The following GASK1B variants were observed in gnomAD, a reference collection of about 807,000 sequenced individuals.
The protein encoded by GASK1B is golgi associated kinase 1B, also known as Golgi-associated kinase 1B.
Under a neutral mutation model 42.8 loss-of-function variants are expected in GASK1B, and 34 were observed. The ratio of observed to expected loss-of-function variants is 0.79; its 90% CI spans 0.60 to 1.06. The LOEUF is 1.06. Ranked by LOEUF, GASK1B falls within the 50% of genes least tolerant of loss-of-function variation. The pLI is 0.00. For synonymous variants in GASK1B, 262 were observed against 259.1 expected (o/e 1.01, Z -0.11); for missense variants, 686 against 661.0 (o/e 1.04, Z -0.42).
At position 158,124,650 on chromosome 4, in the gene GASK1B, A is replaced by G. The variant is rs1730383380; in HGVS notation, c.*2757T>C. On this transcript the variant is annotated 3_prime_UTR_variant, in exon 5 of 5. Coordinates refer to ENST00000585682, the MANE Select transcript of GASK1B (RefSeq NM_001128424.2). ...TAAAGTATATTTAATGGCACAGTAGAATAAACAGGCTATGATTACAAGTCC... is the reference window on the plus strand; with the variant it reads ...TAAAGTATATTTAATGGCACAGTAGGATAAACAGGCTATGATTACAAGTCC... 6.6e-6 allele frequency: 1 copy of G among 152,156 alleles called. No individual in the cohort carries two copies. Among genetic ancestry groups the G allele is most frequent in the Non-Finnish European group, 1.5e-5 (1 of 68,024 alleles). 9.4% of individuals were successfully genotyped at this position (152,156 alleles called of 1,614,324 possible). A position where few individuals can be genotyped will look rare whatever the true frequency, so the allele number is the denominator to read the frequency against.
At chr4:158,159,527 T>C (rs1409450210) in intron 2 of GASK1B, 1 of 451,086 alleles carries the variant, frequency 2.2e-6, no homozygotes, top group Non-Finnish European at 4.4e-6. Context: ...CTGAAGTGTT[T>C]CAGAGATGAG....
chr4:158,157,503 G>C (rs1731800850), intron 2 of GASK1B, among the ~76,000 whole-genome samples: 1 of 151,900 alleles, frequency 6.6e-6, no homozygotes, highest in Non-Finnish European at 1.5e-5. Flanking sequence ...GACAGCACTG[G>C]GCCAGTATAA....
intron 1 of GASK1B, 139 bp downstream of exon 1, chr4:158,172,729 A>AGATC (rs1465688420): frequency 6.6e-6 from 1 of 152,170 alleles, no homozygotes; most frequent in Non-Finnish European, 1.5e-5. Context: ...GAAGTTCAAA[A>AGATC]GATCGAGAAT....
intron 3 of GASK1B, among the ~76,000 whole-genome samples, chr4:158,134,945 G>T (rs1331762184): frequency 6.6e-6 from 1 of 152,186 alleles, no homozygotes; most frequent in Non-Finnish European, 1.5e-5. Context: ...GGCCTATCAA[G>T]AAATTGTGTC....
rs2110914689 is a variant in GASK1B at position 158,126,155 on chromosome 4, T to C, written c.*1252A>G. On this transcript the variant is annotated 3_prime_UTR_variant, in exon 5 of 5. Coordinates refer to ENST00000585682, the MANE Select transcript of GASK1B (RefSeq NM_001128424.2). The stretch of plus-strand genomic sequence containing the variant: ...AGGGCAGGAAGGTAATGGTAATCTA[T>C]TCTGAATTTGAAACTCCATGTGAAT... The C allele has an allele frequency of 6.6e-6, 1 of 152,260 alleles. No individual in the cohort carries two copies. The highest frequency in any genetic ancestry group is 6.5e-5 in the Admixed American group (1 of 15,284). The allele number at this position is 152,260 out of a possible 1,614,324, so 9.4% of individuals were successfully genotyped here.
chr4:158,145,889 G>A (rs1189337931), intron 3 of GASK1B, among the ~76,000 whole-genome samples: 5 of 152,050 alleles, frequency 3.3e-5, no homozygotes. Flanking sequence ...ATCTTTGTTG[G>A]TCCTCCTCTA....
intron 2 of GASK1B, among the ~76,000 whole-genome samples, chr4:158,162,147 T>C (rs1002822401): frequency 6.6e-6 from 1 of 152,220 alleles, no homozygotes; most frequent in African/African-American, 2.4e-5. Context: ...GTTCTGGCAT[T>C]ACTTCTTCCA....
chr4:158,147,735 G>A (rs1008279163), intron 3 of GASK1B, among the ~76,000 whole-genome samples: 2 of 151,978 alleles, frequency 1.3e-5, no homozygotes, highest in Non-Finnish European at 2.9e-5. Flanking sequence ...AAGATCTACT[G>A]TAAGCCAAGT....
Position 158,130,950 on chromosome 4 carries a change from T to C in GASK1B, c.1188A>G (p.Val396=), listed in dbSNP as rs1730659040. 2.5e-6 allele frequency: 4 copies of C among 1,613,992 alleles called. No homozygotes were observed. The highest frequency in any genetic ancestry group is 1.7e-5 in the Admixed American group (1 of 59,988). ...CACATTTTGGCCTCAATCCATTCTG[T>C]ACACAGGCATCTTCCTTGCGAGGTC... ...GFRPRKEDAC[V]QNGLRPKCDD... The change falls in exon 4 of 5, where the codon GTA becomes GTG. Residue 396 remains valine, a synonymous_variant. Transcript: ENST00000585682.
intron 2 of GASK1B, among the ~76,000 whole-genome samples, chr4:158,165,490 T>C (rs1339244182): frequency 6.6e-6 from 1 of 152,190 alleles, no homozygotes; most frequent in African/African-American, 2.4e-5. Context: ...GAAAATCTGG[T>C]AAGCACTGGC....
intron 2 of GASK1B, among the ~76,000 whole-genome samples, chr4:158,157,868 C>A (rs1731817158): frequency 6.6e-6 from 1 of 151,954 alleles, no homozygotes; most frequent in African/African-American, 2.4e-5. Context: ...AAGGTAAATC[C>A]ACTCATTTCA....
At chr4:158,140,004 G>A (rs904098499) in intron 3 of GASK1B, among the ~76,000 whole-genome samples, 21 of 152,104 alleles carry the variant, frequency 1.4e-4, no homozygotes, top group Admixed American at 1.0e-3. Context: ...AAATTTTAAG[G>A]GAATCTGGCA....
intron 3 of GASK1B, among the ~76,000 whole-genome samples, chr4:158,147,895 C>A (rs1731392875): frequency 6.6e-6 from 1 of 152,036 alleles, no homozygotes; most frequent in Admixed American, 6.6e-5. Context: ...GAGCAATTCA[C>A]AGAAAGTAAA....
At chr4:158,160,708 C>T (rs1055764635) in intron 2 of GASK1B, among the ~76,000 whole-genome samples, 1 of 152,038 alleles carries the variant, frequency 6.6e-6, no homozygotes, top group Non-Finnish European at 1.5e-5. Context: ...CCTAGGTGTC[C>T]ATCATCAGAA....
chr4:158,160,381 A>T (rs554022343), intron 2 of GASK1B, among the ~76,000 whole-genome samples: 13 of 152,284 alleles, frequency 8.5e-5, no homozygotes, highest in African/African-American at 3.1e-4. Context: ...GTCCTGGAGC[A>T]AATTAAAACC....
intron 4 of GASK1B, 55 bp from the exon 5 acceptor site, chr4:158,127,669 T>C (rs1730514737): frequency 6.9e-7 from 1 of 1,452,528 alleles, no homozygotes; most frequent in Non-Finnish European, 9.4e-7. Flanking sequence ...ATAGTACTCC[T>C]TACCCAACTG....
At chr4:158,169,258 G>T (rs982553011) in intron 2 of GASK1B, 1 of 152,196 alleles carries the variant, frequency 6.6e-6, no homozygotes, top group Non-Finnish European at 1.5e-5. Flanking sequence ...TGTTTGAGAA[G>T]GTTTCTTACA....
chr4:158,131,216 T>C (rs1579006860), intron 3 of GASK1B, among the ~76,000 whole-genome samples: 1 of 152,206 alleles, frequency 6.6e-6, no homozygotes, highest in Non-Finnish European at 1.5e-5. Context: ...CATTTCCAGC[T>C]TCTGCTAATA....
intron 3 of GASK1B, among the ~76,000 whole-genome samples, chr4:158,154,027 T>A: frequency 6.6e-6 from 1 of 151,748 alleles, no homozygotes. Flanking sequence ...CTTAATTAAA[T>A]TAAAAGGCTT....
Sources: allele counts gnomAD v4.1 joint callset (sites outside exome capture counted in the v4.1 genomes callset), GRCh38; gene constraint gnomAD v4.1.1; transcripts MANE v1.5; gene names NCBI Gene and HGNC (gene_info 2026-07-23, HGNC 2026-07-21).